Variants in MORC1 observed in about 807,000 individuals in gnomAD.
MORC1 encodes MORC family CW-type zinc finger protein 1.
A neutral mutation model predicts 134.9 loss-of-function variants in MORC1; 59 were observed. The ratio of observed to expected loss-of-function variants is 0.44; its 90% CI spans 0.35 to 0.54. The LOEUF (loss-of-function observed/expected upper bound fraction) is 0.54. Among genes scored for constraint, MORC1 ranks in the 20% least tolerant of loss-of-function variants. The pLI is 0.00. For synonymous variants in MORC1, 395 were observed against 391.7 expected (o/e 1.01, Z -0.10); for missense variants, 947 against 1,134.5 (o/e 0.83, Z 2.37).
At chr3:109,039,156 T>C (rs1401554811) in intron 14 of MORC1, among the ~76,000 whole-genome samples, 1 of 152,148 alleles carries the variant, frequency 6.6e-6, no homozygotes, top group Admixed American at 6.5e-5. Context: ...CCTGAAGTGA[T>C]CCACCCGCCT....
rs1950095701 is a variant in MORC1, at chr3:109,062,025, A to T, written c.929T>A (p.Val310Glu). The T allele has an allele frequency of 6.2e-7, 1 of 1,613,956 alleles. No individual in the cohort carries two copies. Among genetic ancestry groups the T allele is most frequent in the Non-Finnish European group, 8.5e-7 (1 of 1,179,980 alleles). ...ESILKEAQIKVNQCDRTSLSS... is the reference protein window; with the variant it reads ...ESILKEAQIKENQCDRTSLSS... ...TAAAGAGGTTCTGTCACACTGGTTT[A>T]CTTTGATTTGTGCTTCTTTCAATAT... The change falls in exon 11 of 28, where the codon GTA (valine) becomes GAA (glutamate). Residue 310 changes from valine (V) to glutamate (E), a missense_variant. By Grantham distance (121) the Val-to-Glu change is moderately radical (BLOSUM62 -2). Coordinates refer to ENST00000232603, the MANE Select transcript of MORC1 (RefSeq NM_014429.4).
intron 14 of MORC1, among the ~76,000 whole-genome samples, chr3:109,047,290 G>C (rs985882408): frequency 3.9e-5 from 6 of 152,078 alleles, no homozygotes; most frequent in African/African-American, 1.4e-4. Flanking sequence ...CTTTAGGTAT[G>C]GCAGGGAAAA....
intron 3 of MORC1, among the ~76,000 whole-genome samples, chr3:109,105,738 C>T (rs751621817): frequency 1.8e-4 from 27 of 151,664 alleles, no homozygotes; most frequent in South Asian, 1.0e-3. Flanking sequence ...AGTTTCAAGA[C>T]AGCCCATGAA....
At chr3:109,042,801 T>C (rs544554062) in intron 14 of MORC1, among the ~76,000 whole-genome samples, 19 of 152,274 alleles carry the variant, frequency 1.2e-4, no homozygotes, top group African/African-American at 4.3e-4. Context: ...TGGTGAACAT[T>C]ACGTTAAGTG....
At chr3:109,017,618 A>G (rs1346479707) in intron 17 of MORC1, among the ~76,000 whole-genome samples, 1 of 152,206 alleles carries the variant, frequency 6.6e-6, no homozygotes, top group African/African-American at 2.4e-5. Flanking sequence ...TTAAAATCAC[A>G]TATGTACTTT....
intron 21 of MORC1, among the ~76,000 whole-genome samples, chr3:108,988,075 T>A (rs976519132): frequency 1.3e-5 from 2 of 152,098 alleles, no homozygotes; most frequent in African/African-American, 2.4e-5. Context: ...CTCTCTAACC[T>A]GCTAAACAAA....
At chr3:109,097,408 C>T (rs1950849219) in intron 6 of MORC1, among the ~76,000 whole-genome samples, 1 of 152,112 alleles carries the variant, frequency 6.6e-6, no homozygotes, top group Non-Finnish European at 1.5e-5. Flanking sequence ...GATATTTTGC[C>T]CCCTATGTTC....
chr3:109,096,719 C>T (rs1432581604), intron 6 of MORC1, among the ~76,000 whole-genome samples: 1 of 152,138 alleles, frequency 6.6e-6, no homozygotes, highest in Non-Finnish European at 1.5e-5. Context: ...TCTCTTATTC[C>T]TCTACTTTTT....
chr3:108,972,097 T>C (rs1017231111), intron 24 of MORC1, among the ~76,000 whole-genome samples: 2 of 152,220 alleles, frequency 1.3e-5, no homozygotes, highest in Non-Finnish European at 1.5e-5. Flanking sequence ...TTAGAAATCA[T>C]ACATGGACCC....
intron 9 of MORC1, among the ~76,000 whole-genome samples, chr3:109,066,966 G>GACACAAAAC (rs63208060): frequency 0.16 from 23,783 of 152,118 alleles, 2,056 homozygotes; most frequent in African/African-American, 0.22. Flanking sequence ...TTCAAAAATG[G>GACACAAAAC]ATGCATGGTG....
At chr3:109,084,909 C>T (rs4425266) in intron 8 of MORC1, among the ~76,000 whole-genome samples, 129,142 of 152,162 alleles carry the variant, frequency 0.85, 54,957 homozygotes, top group East Asian at 0.93. Flanking sequence ...GGACAGTTTC[C>T]TCAACAAACG....
At chr3:109,040,994 TAC>T (rs1949532049) in intron 14 of MORC1, among the ~76,000 whole-genome samples, 2 of 151,712 alleles carry the variant, frequency 1.3e-5, no homozygotes, top group African/African-American at 4.8e-5. Flanking sequence ...ACTAGAGGGA[TAC>T]AGAGTCAGAT....
chr3:108,983,310 C>T (rs2107458135), intron 23 of MORC1, among the ~76,000 whole-genome samples: 1 of 152,208 alleles, frequency 6.6e-6, no homozygotes, highest in African/African-American at 2.4e-5. Flanking sequence ...ATAAGCAAGA[C>T]AGTCCCTACT....
At chr3:108,978,131 C>A (rs1408550036) in intron 24 of MORC1, among the ~76,000 whole-genome samples, 4 of 152,178 alleles carry the variant, frequency 2.6e-5, no homozygotes, top group African/African-American at 9.6e-5. Flanking sequence ...CCCACCTCGG[C>A]CTCCCAAAGT....
intron 9 of MORC1, among the ~76,000 whole-genome samples, chr3:109,064,550 C>T (rs1369611156): frequency 6.6e-6 from 1 of 151,478 alleles, no homozygotes; most frequent in Non-Finnish European, 1.5e-5. Context: ...AATACTCTGG[C>T]CAAAATCAAA....
At chr3:109,043,904 C>T (rs767842417) in intron 14 of MORC1, among the ~76,000 whole-genome samples, 4 of 152,162 alleles carry the variant, frequency 2.6e-5, no homozygotes, top group Non-Finnish European at 5.9e-5. Context: ...AAGAGCCATG[C>T]AGATAACCCC....
intron 21 of MORC1, among the ~76,000 whole-genome samples, chr3:108,987,628 G>C (rs2593965): frequency 0.13 from 19,226 of 151,920 alleles, 1,306 homozygotes; most frequent in Non-Finnish European, 0.15. Flanking sequence ...GAGGCTGAGA[G>C]GGTGGGAGTG....
intron 14 of MORC1, among the ~76,000 whole-genome samples, chr3:109,050,021 C>G (rs1202997243): frequency 6.6e-6 from 1 of 151,378 alleles, no homozygotes; most frequent in Non-Finnish European, 1.5e-5. Flanking sequence ...CCTGGGGGGG[C>G]TGCCATTTGG....
chr3:109,106,648 T>G (rs1288732936), intron 3 of MORC1, among the ~76,000 whole-genome samples: 3 of 152,178 alleles, frequency 2.0e-5, no homozygotes, highest in Admixed American at 6.5e-5. Context: ...CGGATCATCA[T>G]TATGTTCTCC....
Sources: gnomAD v4.1 joint callset for allele counts (sites outside exome capture counted in the v4.1 genomes callset) on GRCh38, gnomAD v4.1.1 for gene constraint, MANE v1.5 for transcripts, NCBI Gene and HGNC (gene_info 2026-07-23, HGNC 2026-07-21) for gene names.